The following MAML3 variants were observed in gnomAD, a reference collection of about 807,000 sequenced individuals.
The protein encoded by MAML3 is mastermind-like protein 3.
Under a neutral mutation model 101.9 loss-of-function variants are expected in MAML3, and 27 were observed. The observed-to-expected ratio is 0.27, with a 90% CI of 0.20 to 0.37. The LOEUF (loss-of-function observed/expected upper bound fraction) is 0.37, where lower values mean the gene tolerates loss of function less well. Among genes scored for constraint, MAML3 ranks in the 10% least tolerant of loss-of-function variants. The pLI is 1.00. For missense variants in MAML3, 1,316 were observed against 1,444.9 expected, an observed-to-expected ratio of 0.91 and a Z score of 1.45; for synonymous variants, 501 against 555.9, an observed-to-expected ratio of 0.90 and a Z score of 1.39.
chr4:139,785,566 G>A lies in MAML3; in HGVS notation c.2080-54899C>T, dbSNP rs1025048636. Among the ~76,000 whole-genome samples, 9 of 152,162 alleles carry A rather than the reference G, an allele frequency of 5.9e-5. No individual in the cohort carries two copies. The South Asian group carries it at 1.7e-3, about 28-fold the overall frequency. Reference sequence around the variant, plus strand: ...TGTTGCTTGGCTGGTGCTGCACTGCGGAGTATTGTTTGGAAAAATATCACC... The same window carrying A: ...TGTTGCTTGGCTGGTGCTGCACTGCAGAGTATTGTTTGGAAAAATATCACC... On this transcript the variant is annotated intron_variant, in intron 2 of 4. Coordinates refer to ENST00000509479, the MANE Select transcript of MAML3 (RefSeq NM_018717.5). This position sits in a 1 kb window ranked among gnomAD's most constrained non-coding sequence, Gnocchi z 4.3.
At chr4:139,864,919 C>CTTGA (rs1731864738) in intron 2 of MAML3, among the ~76,000 whole-genome samples, 1 of 27,162 alleles carries the variant, frequency 3.7e-5, no homozygotes, top group African/African-American at 3.4e-4. Context: ...GTAATGCAAA[C>CTTGA]TTGCTTTTTT....
chr4:140,104,739 G>A (rs1406091360), intron 1 of MAML3, among the ~76,000 whole-genome samples: 4 of 151,506 alleles, frequency 2.6e-5, no homozygotes, highest in African/African-American at 4.9e-5. Flanking sequence ...GCGATCACCC[G>A]CCTCGGCCTT....
chr4:140,042,932 T>C (rs2110910858), intron 1 of MAML3, among the ~76,000 whole-genome samples: 1 of 152,290 alleles, frequency 6.6e-6, no homozygotes, highest in African/African-American at 2.4e-5. Flanking sequence ...AATTCAAGTC[T>C]CAGAGGCATT....
chr4:139,840,817 CACA>C, intron 2 of MAML3, among the ~76,000 whole-genome samples: 1 of 152,274 alleles, frequency 6.6e-6, no homozygotes, highest in East Asian at 1.9e-4. Context: ...CGAGCCCTCA[CACA>C]ACATTATGAA....
chr4:139,974,356 C>T (rs966007437), intron 1 of MAML3, among the ~76,000 whole-genome samples: 1 of 152,084 alleles, frequency 6.6e-6, no homozygotes, highest in Non-Finnish European at 1.5e-5. Context: ...CTGCCCGTCT[C>T]GGCCTCCCAA....
At chr4:139,781,664 C>T (rs565444287) in intron 2 of MAML3, among the ~76,000 whole-genome samples, 3 of 152,024 alleles carry the variant, frequency 2.0e-5, no homozygotes, top group East Asian at 1.9e-4. Flanking sequence ...GTAAAACACT[C>T]GGGCTTCACA....
intron 1 of MAML3, among the ~76,000 whole-genome samples, chr4:140,036,756 G>T (rs995258775): frequency 1.3e-5 from 2 of 152,098 alleles, no homozygotes; most frequent in African/African-American, 4.8e-5. Context: ...ATAATTTACT[G>T]GAAAATTGTT....
intron 1 of MAML3, among the ~76,000 whole-genome samples, chr4:139,915,898 T>G (rs1160015571): frequency 6.6e-6 from 1 of 152,116 alleles, no homozygotes; most frequent in Non-Finnish European, 1.5e-5. Flanking sequence ...ACGAACCAAA[T>G]TTACTGCTAC....
chr4:139,903,098 G>T (rs993821909), intron 1 of MAML3, among the ~76,000 whole-genome samples: 1 of 152,152 alleles, frequency 6.6e-6, no homozygotes, highest in Non-Finnish European at 1.5e-5. Context: ...CCAAGTACTG[G>T]CCATTTCAGA....
intron 1 of MAML3, among the ~76,000 whole-genome samples, chr4:140,098,001 G>A (rs1728190526): frequency 6.6e-6 from 1 of 152,142 alleles, no homozygotes; most frequent in African/African-American, 2.4e-5. Context: ...AGTCCTCCAC[G>A]TTTTTCTCCA....
chr4:139,839,238 G>A (rs79017012), intron 2 of MAML3, among the ~76,000 whole-genome samples: 3,024 of 152,258 alleles, frequency 0.02, 44 homozygotes, highest in Middle Eastern at 0.061. Flanking sequence ...GATTCAGACA[G>A]CAGCACCGGA....
intron 2 of MAML3, among the ~76,000 whole-genome samples, chr4:139,852,403 G>GTTTTTTTTTTTGTTGTTGTTTTTT (rs1731572633): frequency 1.5e-5 from 1 of 68,326 alleles, no homozygotes; most frequent in African/African-American, 6.7e-5. Context: ...TCAGAAGACT[G>GTTTTTTTTTTTGTTGTTGTTTTTT]TTTTTTTTTT....
chr4:140,043,598 G>A (rs1467379470), intron 1 of MAML3, among the ~76,000 whole-genome samples: 2 of 152,166 alleles, frequency 1.3e-5, no homozygotes, highest in African/African-American at 4.8e-5. Context: ...AATGAGAAAA[G>A]TGAAAGTGGC....
At position 139,832,768 on chromosome 4, in the gene MAML3, G is replaced by A. The variant is rs1159837041; in HGVS notation, c.2079+56589C>T. Among the ~76,000 whole-genome samples the A allele has an allele frequency of 5.3e-5, 8 of 152,304 alleles. No homozygotes were observed. In the South Asian group the frequency reaches 6.2e-4, roughly 12 times the overall value. ...AAAGTGAAATGTGCAGAAAGGCAGA[G>A]GTCCATACGAGCACATAATCTGTAT... On this transcript the variant is annotated intron_variant, in intron 2 of 4. Transcript: ENST00000509479.
chr4:139,945,985 A>G (rs948125573), intron 1 of MAML3, among the ~76,000 whole-genome samples: 3 of 152,232 alleles, frequency 2.0e-5, no homozygotes, highest in Non-Finnish European at 4.4e-5. Context: ...CTGATTAACT[A>G]CATTCTATTT....
intron 1 of MAML3, among the ~76,000 whole-genome samples, chr4:140,036,354 C>A (rs1396113745): frequency 6.6e-6 from 1 of 152,212 alleles, no homozygotes; most frequent in Non-Finnish European, 1.5e-5. Context: ...ACCCAGCATG[C>A]AGGAACATGA....
intron 4 of MAML3, among the ~76,000 whole-genome samples, chr4:139,724,350 G>C (rs1424226295): frequency 6.6e-6 from 1 of 152,152 alleles, no homozygotes; most frequent in African/African-American, 2.4e-5. Flanking sequence ...AAAAGTTTCT[G>C]ATATGCTCTG....
chr4:139,740,818 C>T (rs115084000), intron 2 of MAML3: 2,511 of 152,614 alleles, frequency 0.016, 40 homozygotes, highest in Non-Finnish European at 0.025. Context: ...GAGGGCACTT[C>T]CCGCCGTCAT....
chr4:140,069,418 AGGG>A (rs1560883622), intron 1 of MAML3, among the ~76,000 whole-genome samples: 2 of 34,032 alleles, frequency 5.9e-5, no homozygotes, highest in Admixed American at 3.4e-4. Context: ...GAGGAGGAGG[AGGG>A]GAAGGAGGAG....
Sources: allele counts gnomAD v4.1 joint callset (sites outside exome capture counted in the v4.1 genomes callset), GRCh38; gene constraint gnomAD v4.1.1; non-coding constraint Gnocchi (gnomAD v3.1); transcripts MANE v1.5; gene names NCBI Gene and HGNC (gene_info 2026-07-23, HGNC 2026-07-21).